Variants in BPNT2 observed in about 807,000 individuals in gnomAD.
BPNT2 encodes the protein Golgi-resident adenosine 3',5'-bisphosphate 3'-phosphatase.
A neutral mutation model predicts 29.3 loss-of-function variants in BPNT2; 11 were observed. The ratio of observed to expected loss-of-function variants is 0.38; its 90% CI spans 0.24 to 0.62. The LOEUF is 0.62. BPNT2 is among the 20% of genes least tolerant of loss of function. BPNT2 has a pLI of 0.62. For missense variants in BPNT2, 459 were observed against 473.4 expected (o/e 0.97, Z 0.28); for synonymous variants, 195 against 187.7 (o/e 1.04, Z -0.32).
At position 56,993,650 on chromosome 8, in the gene BPNT2, C is replaced by A. The variant is rs1189132759; in HGVS notation, c.-65G>T. 4 of 1,185,578 alleles carry A rather than the reference C, an allele frequency of 3.4e-6. No individual in the cohort carries two copies. Among genetic ancestry groups the A allele is most frequent in the Non-Finnish European group, 4.2e-6 (4 of 960,612 alleles). The allele number at this position is 1,185,578 out of a possible 1,614,324, so 73.4% of individuals were successfully genotyped here. On this transcript the variant is annotated 5_prime_UTR_variant, in exon 1 of 5. Transcript: ENST00000262644. ...GGCCTCCAGCGCCCGCCGCCGCCGC[C>A]GCCGCAGCCGCCGCGCTCCGGGCCA...
At chr8:56,991,253 GAAT>G (rs1317655098) in intron 1 of BPNT2, among the ~76,000 whole-genome samples, 1 of 152,132 alleles carries the variant, frequency 6.6e-6, no homozygotes, top group Non-Finnish European at 1.5e-5. Context: ...GACCCAACAT[GAAT>G]ACTACAGAAG....
At chr8:56,986,457 A>G (rs1482511712) in intron 1 of BPNT2, among the ~76,000 whole-genome samples, 2 of 152,230 alleles carry the variant, frequency 1.3e-5, no homozygotes, top group African/African-American at 4.8e-5. Flanking sequence ...TCTATATGCT[A>G]AACAATACCT....
Position 56,993,693 on chromosome 8 carries a change from A to G in BPNT2, c.-108T>C, listed in dbSNP as rs1380415212. 7.7e-6 allele frequency: 8 copies of G among 1,035,754 alleles called. No homozygotes were observed. The African/African-American group carries it at 1.4e-4, about 18-fold the overall frequency. 64.2% of individuals were successfully genotyped at this position (1,035,754 alleles called of 1,614,324 possible). On this transcript the variant is annotated 5_prime_UTR_variant, in exon 1 of 5. Transcript: ENST00000262644. ...CCGGGCCAGGCGCCGCGCGGGCTAC[A>G]CTGGCGCCCGCTCCCCGGCCCCGGT... is the stretch of plus-strand genomic sequence containing the variant.
At position 56,993,610 on chromosome 8, in the gene BPNT2, G is replaced by A; in HGVS notation, c.-25C>T. 16 of 1,395,400 alleles carry A rather than the reference G, an allele frequency of 1.1e-5. No individual in the cohort carries two copies. Among genetic ancestry groups the A allele is most frequent in the Middle Eastern group, 5.1e-4 (2 of 3,888 alleles). The allele number at this position is 1,395,400 out of a possible 1,614,324, so 86.4% of individuals were successfully genotyped here. On this transcript the variant is annotated 5_prime_UTR_variant, in exon 1 of 5. Transcript: ENST00000262644. ...TGGCGTGGGAAGCCGGGCGCTCCGGGCTGCGGCTCTCACAGGCCTCCAGCG... is the reference window on the plus strand; with the variant it reads ...TGGCGTGGGAAGCCGGGCGCTCCGGACTGCGGCTCTCACAGGCCTCCAGCG...
At chr8:56,977,114 T>C (rs1177297866) in intron 3 of BPNT2, among the ~76,000 whole-genome samples, 1 of 152,226 alleles carries the variant, frequency 6.6e-6, no homozygotes, top group Non-Finnish European at 1.5e-5. Flanking sequence ...ATCTCCAATA[T>C]ATCTCATTAT....
rs1805853427 is a variant in BPNT2 at position 56,962,464 on chromosome 8, AGT to A, written c.*1327_*1328del. On this transcript the variant is annotated 3_prime_UTR_variant, in exon 5 of 5. Transcript: ENST00000262644. ...ATGTTATGGAATACAAGGGCACTGG[AGT>A]CACATGAAATAACGGCATGGGTAGT... 1 of 152,214 alleles carries A rather than the reference AGT, an allele frequency of 6.6e-6. No individual in the cohort carries two copies. The highest frequency in any genetic ancestry group is 2.1e-4 in the South Asian group (1 of 4,832). The allele number at this position is 152,214 out of a possible 1,614,324, so 9.4% of individuals were successfully genotyped here.
chr8:56,971,783 C>CCA lies in BPNT2; in HGVS notation c.647-5432_647-5431insTG, dbSNP rs920756537. Among the ~76,000 whole-genome samples, 8 of 8,678 alleles carry CCA rather than the reference C, an allele frequency of 9.2e-4. 2 individuals carry two copies. Among genetic ancestry groups the CCA allele is most frequent in the African/African-American group, 3.4e-3 (5 of 1,484 alleles). 5.7% of individuals were successfully genotyped at this position (8,678 alleles called of 152,430 possible). ...GTATTACTGAAATAATTTTGTACCACCCCCCCCCCCACAATGCTACTGTGT... is the reference window on the plus strand; with the variant it reads ...GTATTACTGAAATAATTTTGTACCACCACCCCCCCCCCACAATGCTACTGTGT... On this transcript the variant is annotated intron_variant, in intron 3 of 4. Coordinates refer to ENST00000262644, the MANE Select transcript of BPNT2 (RefSeq NM_017813.5).
rs183753207 is a variant in BPNT2 at position 56,966,999 on chromosome 8, T to C, written c.647-647A>G. ...AAAGAAAAAGCCTTAGATTTCAAAA[T>C]AGAATAGAATTTTTAAAAGGGAAGG... On this transcript the variant is annotated intron_variant, in intron 3 of 4. Transcript: ENST00000262644. 318 of 355,438 alleles carry C rather than the reference T, an allele frequency of 8.9e-4. 2 individuals are homozygous for C. The highest frequency in any genetic ancestry group is 6.4e-3 in the African/African-American group (300 of 46,856). The allele number at this position is 355,438 out of a possible 1,614,324, so 22.0% of individuals were successfully genotyped here. A position where few individuals can be genotyped will look rare whatever the true frequency, so the allele number is the denominator to read the frequency against.
chr8:56,991,686 A>T (rs1361892642), intron 1 of BPNT2, among the ~76,000 whole-genome samples: 3 of 152,232 alleles, frequency 2.0e-5, no homozygotes, highest in Non-Finnish European at 4.4e-5. Context: ...TAAGGATCAA[A>T]TGAAGTCCTG....
intron 1 of BPNT2, among the ~76,000 whole-genome samples, chr8:56,982,462 A>G (rs188604890): frequency 1.9e-3 from 287 of 152,270 alleles, no homozygotes; most frequent in African/African-American, 6.6e-3. Context: ...GTAAACATTC[A>G]ATTTATTCAC....
At chr8:56,969,479 T>C (rs1805999055) in intron 3 of BPNT2, among the ~76,000 whole-genome samples, 1 of 151,980 alleles carries the variant, frequency 6.6e-6, no homozygotes, top group Non-Finnish European at 1.5e-5. Flanking sequence ...GGGAATAAGG[T>C]AAAAGAATAA....
chr8:56,984,567 T>C (rs772591829), intron 1 of BPNT2, among the ~76,000 whole-genome samples: 4 of 152,212 alleles, frequency 2.6e-5, no homozygotes, highest in Non-Finnish European at 4.4e-5. Flanking sequence ...TAGTCCTCAA[T>C]TGTTCTCACC....
chr8:56,968,199 G>A (rs138750117), intron 3 of BPNT2, among the ~76,000 whole-genome samples: 12 of 152,048 alleles, frequency 7.9e-5, no homozygotes, highest in Admixed American at 1.3e-4. Context: ...GATGTAAAGT[G>A]GGAGCTCATA....
rs1222269578 is a variant in BPNT2, at chr8:56,963,952, G to C, written c.921C>G (p.Ile307Met). The change falls in exon 5 of 5, where the codon ATC becomes ATG. Residue 307 changes from isoleucine to methionine, a missense_variant. Transcript: ENST00000262644. The part of the protein sequence containing the change: ...KKWDICAGNA[I>M]LKALGGHMTT... ...TCATATGCCCCCCTAGGGCTTTTAA[G>C]ATGGCATTACCAGCACATATATCCC... is the stretch of plus-strand genomic sequence containing the variant. 19 of 1,614,050 alleles carry C rather than the reference G, an allele frequency of 1.2e-5. No individual in the cohort carries two copies. Among genetic ancestry groups the C allele is most frequent in the South Asian group, 2.2e-5 (2 of 91,072 alleles).
intron 1 of BPNT2, among the ~76,000 whole-genome samples, chr8:56,982,192 C>T (rs1210108244): frequency 1.3e-5 from 2 of 149,422 alleles, no homozygotes; most frequent in Admixed American, 6.7e-5. Context: ...GGTGTAATCT[C>T]GGCTCACTGC....
At chr8:56,971,484 T>G (rs540238417) in intron 3 of BPNT2, among the ~76,000 whole-genome samples, 1 of 152,220 alleles carries the variant, frequency 6.6e-6, no homozygotes, top group African/African-American at 2.4e-5. Context: ...TTTTGGAGAT[T>G]TGTGACGATT....
chr8:56,979,919 A>C, intron 2 of BPNT2, 116 bp downstream of exon 2: 1 of 949,288 alleles, frequency 1.1e-6, no homozygotes, highest in South Asian at 1.4e-5. Context: ...TACTGTTAAA[A>C]ATGCTTCTTT....
chr8:56,966,384 A>C lies in BPNT2; in HGVS notation c.647-32T>G, dbSNP rs776630061. ...AGCAAATATAATATCCATTAATGGC[A>C]CTGAAGCTTTAAAACTAAAGGTTAT... On this transcript the variant is annotated intron_variant, in intron 3 of 4. Coordinates refer to ENST00000262644, the MANE Select transcript of BPNT2 (RefSeq NM_017813.5). 6.3e-6 allele frequency: 10 copies of C among 1,594,130 alleles called. No individual in the cohort carries two copies. The East Asian group carries it at 6.7e-5, about 11-fold the overall frequency.
intron 1 of BPNT2, among the ~76,000 whole-genome samples, chr8:56,991,133 T>G (rs1294620099): frequency 6.6e-6 from 1 of 152,212 alleles, no homozygotes; most frequent in Non-Finnish European, 1.5e-5. Context: ...GGCTACAATA[T>G]TTGGCCTCTA....
Sources: allele counts gnomAD v4.1 joint callset (sites outside exome capture counted in the v4.1 genomes callset), GRCh38; gene constraint gnomAD v4.1.1; transcripts MANE v1.5; gene names NCBI Gene and HGNC (gene_info 2026-07-23, HGNC 2026-07-21).